PPARGC1A: variants seen among roughly 807,000 people sequenced by gnomAD.
PPARGC1A encodes the protein PPARG coactivator 1 alpha.
In PPARGC1A, 25 loss-of-function variants were observed where a neutral mutation model predicts 88.7. That is an observed-to-expected ratio of 0.28 (90% CI 0.21 to 0.39). The LOEUF is 0.39. PPARGC1A is among the 10% of genes least tolerant of loss of function. PPARGC1A has a pLI of 1.00. For missense variants in PPARGC1A, 880 were observed against 968.7 expected (o/e 0.91, Z 1.22); for synonymous variants, 363 against 355.6 (o/e 1.02, Z -0.24).
intron 2 of PPARGC1A, among the ~76,000 whole-genome samples, chr4:23,857,173 C>T (rs1467604298): frequency 2.0e-5 from 3 of 151,714 alleles, no homozygotes; most frequent in South Asian, 4.1e-4. Context: ...AGCCAGTGCA[C>T]CACTGGACTC....
the PPARGC1A span, among the ~76,000 whole-genome samples, chr4:24,094,614 G>A: frequency 2.0e-5 from 3 of 152,240 alleles, no homozygotes; most frequent in South Asian, 2.1e-4. Flanking sequence ...CCATGCTACC[G>A]ATCACTTAGC....
At chr4:24,278,929 C>A in the PPARGC1A span, among the ~76,000 whole-genome samples, 3 of 152,160 alleles carry the variant, frequency 2.0e-5, no homozygotes, top group Non-Finnish European at 2.9e-5. Flanking sequence ...AGAAAGTCAG[C>A]CCCTGAGCCG....
chr4:24,388,459 C>T, the PPARGC1A span, among the ~76,000 whole-genome samples: 10 of 152,300 alleles, frequency 6.6e-5, 1 homozygote, highest in South Asian at 2.1e-3. Context: ...ACCCAGCCAT[C>T]CCATTACTGG....
At chr4:23,802,126 A>G (rs1718868324) in intron 11 of PPARGC1A, 98 bp downstream of exon 11, 1 of 1,524,564 alleles carries the variant, frequency 6.6e-7, no homozygotes, top group Admixed American at 1.8e-5. Context: ...TCATCTGTCA[A>G]AGCACTTACA....
chr4:23,869,345 C>T (rs776395605), intron 2 of PPARGC1A, among the ~76,000 whole-genome samples: 3 of 152,170 alleles, frequency 2.0e-5, no homozygotes, highest in South Asian at 2.1e-4. Context: ...TCACAGTGGT[C>T]GAGGAGGGCA....
chr4:24,284,028 C>A, the PPARGC1A span, among the ~76,000 whole-genome samples: 1,372 of 151,730 alleles, frequency 9.0e-3, 30 homozygotes, highest in African/African-American at 0.031. Context: ...GCCTGTAATC[C>A]CAGCAGCACT....
At chr4:24,031,227 C>T in the PPARGC1A span, among the ~76,000 whole-genome samples, 2 of 152,144 alleles carry the variant, frequency 1.3e-5, no homozygotes, top group Non-Finnish European at 2.9e-5. Flanking sequence ...CCACAAGAAT[C>T]GAATCACTTG....
At chr4:24,144,096 G>A in the PPARGC1A span, among the ~76,000 whole-genome samples, 2 of 152,206 alleles carry the variant, frequency 1.3e-5, no homozygotes, top group African/African-American at 2.4e-5. Context: ...TGATTTCCCT[G>A]TAGGGGCTTA....
At chr4:24,390,894 C>T in the PPARGC1A span, among the ~76,000 whole-genome samples, 1 of 151,914 alleles carries the variant, frequency 6.6e-6, no homozygotes, top group African/African-American at 2.4e-5. Context: ...TTGTCTCAAG[C>T]AACTTAGGAA....
At chr4:23,891,752 G>T (rs780735295), upstream of PPARGC1A, among the ~76,000 whole-genome samples, 71 of 152,134 alleles carry the variant, frequency 4.7e-4, no homozygotes, top group Non-Finnish European at 3.8e-4. Flanking sequence ...TTTATAAACA[G>T]CAGAAAATTA....
At chr4:23,824,114 T>C (rs1723484546) in intron 7 of PPARGC1A, among the ~76,000 whole-genome samples, 166 bp downstream of exon 7, 2 of 152,086 alleles carry the variant, frequency 1.3e-5, no homozygotes, top group African/African-American at 2.4e-5. Flanking sequence ...ATTAGTTTTT[T>C]TTTTTTAAAT....
the PPARGC1A span, among the ~76,000 whole-genome samples, chr4:24,246,008 C>T: frequency 2.0e-5 from 3 of 151,772 alleles, no homozygotes; most frequent in Middle Eastern, 3.4e-3. Flanking sequence ...AATGAAAATG[C>T]TCTCTATGAA....
chr4:24,348,921 TGGGTA>T, the PPARGC1A span, among the ~76,000 whole-genome samples: 1 of 152,204 alleles, frequency 6.6e-6, no homozygotes, highest in African/African-American at 2.4e-5. Flanking sequence ...CCTTGTCATT[TGGGTA>T]GGCTCTGTCA....
intron 10 of PPARGC1A, among the ~76,000 whole-genome samples, chr4:23,804,413 T>C (rs1049048446): frequency 6.6e-6 from 1 of 152,228 alleles, no homozygotes; most frequent in Non-Finnish European, 1.5e-5. Context: ...AAGCCAAGCC[T>C]CCAGCTTCTC....
At chr4:24,144,355 G>T in the PPARGC1A span, among the ~76,000 whole-genome samples, 2 of 152,102 alleles carry the variant, frequency 1.3e-5, no homozygotes, top group African/African-American at 4.8e-5. Context: ...GTGACCTAAG[G>T]AAAACTCTGA....
At chr4:24,211,366 G>A in the PPARGC1A span, among the ~76,000 whole-genome samples, 1 of 152,174 alleles carries the variant, frequency 6.6e-6, no homozygotes, top group Non-Finnish European at 1.5e-5. Context: ...TTACCTAAGT[G>A]AGGTAACTAG....
the PPARGC1A span, among the ~76,000 whole-genome samples, chr4:24,116,723 C>T: frequency 6.6e-6 from 1 of 152,288 alleles, no homozygotes; most frequent in Middle Eastern, 3.4e-3. Context: ...AAGAAACAGA[C>T]AAGACAGAAT....
At chr4:24,002,273 A>G in the PPARGC1A span, among the ~76,000 whole-genome samples, 1 of 152,032 alleles carries the variant, frequency 6.6e-6, no homozygotes, top group Non-Finnish European at 1.5e-5. Context: ...GATGACAAGC[A>G]TGCGCCACCA....
At chr4:23,924,393 C>T in the PPARGC1A span, among the ~76,000 whole-genome samples, 1 of 152,092 alleles carries the variant, frequency 6.6e-6, no homozygotes, top group Non-Finnish European at 1.5e-5. Context: ...TTCGGGAGGC[C>T]GAGGCGGGTG....
Sources: gnomAD v4.1 joint callset for allele counts (sites outside exome capture counted in the v4.1 genomes callset) on GRCh38, gnomAD v4.1.1 for gene constraint, MANE v1.5 for transcripts, NCBI Gene and HGNC (gene_info 2026-07-23, HGNC 2026-07-21) for gene names.